CREBBP: variants seen among roughly 807,000 people sequenced by gnomAD.
The protein encoded by CREBBP is CREB-binding protein.
In CREBBP, 19 loss-of-function variants were observed where a neutral mutation model predicts 265.0. That is an observed-to-expected ratio of 0.07 (90% confidence interval 0.05 to 0.11). The LOEUF is 0.11. Ranked by LOEUF, CREBBP falls within the 10% of genes least tolerant of loss-of-function variation. CREBBP has a pLI of 1.00. For synonymous variants in CREBBP, 1,457 were observed against 1,223.7 expected, an observed-to-expected ratio of 1.19 and a Z score of -3.98; for missense variants, 2,525 against 3,219.0, an observed-to-expected ratio of 0.78 and a Z score of 5.22.
intron 2 of CREBBP, among the ~76,000 whole-genome samples, chr16:3,812,675 T>A (rs2053961673): frequency 6.6e-6 from 1 of 152,064 alleles, no homozygotes; most frequent in Non-Finnish European, 1.5e-5. Context: ...CACAGGTCAA[T>A]TCAGGAATTG....
intron 2 of CREBBP, among the ~76,000 whole-genome samples, chr16:3,822,669 A>G (rs538021641): frequency 1.9e-3 from 285 of 152,354 alleles, no homozygotes; most frequent in African/African-American, 6.7e-3. Flanking sequence ...AGCTTATTAA[A>G]TGCCATAAAT....
At chr16:3,878,539 T>G (rs2055450414) in intron 1 of CREBBP, among the ~76,000 whole-genome samples, 1 of 152,244 alleles carries the variant, frequency 6.6e-6, no homozygotes, top group Non-Finnish European at 1.5e-5. Flanking sequence ...ATTCCAGGAA[T>G]TGTATTCAAA....
chr16:3,734,308 G>C (rs2051994863), intron 28 of CREBBP, among the ~76,000 whole-genome samples: 2 of 152,158 alleles, frequency 1.3e-5, no homozygotes, highest in African/African-American at 2.4e-5. Context: ...ACGAAGGCAT[G>C]TCCCTGCCCA....
At chr16:3,751,073 TAAAG>T (rs1379672228) in intron 20 of CREBBP, among the ~76,000 whole-genome samples, 2 of 151,634 alleles carry the variant, frequency 1.3e-5, no homozygotes, top group Non-Finnish European at 2.9e-5. Context: ...AAAATTAAAA[TAAAG>T]AAAATTTCTA....
chr16:3,819,198 G>A (rs1017116374), intron 2 of CREBBP, among the ~76,000 whole-genome samples: 9 of 152,342 alleles, frequency 5.9e-5, no homozygotes, highest in Admixed American at 3.9e-4. Context: ...ATGCCATTGC[G>A]GTCAACTATG....
intron 2 of CREBBP, among the ~76,000 whole-genome samples, chr16:3,849,419 GTGTGTGTGTGT>G (rs2054743009): frequency 9.1e-4 from 7 of 7,732 alleles, no homozygotes; most frequent in Admixed American, 2.3e-3. Flanking sequence ...GTGTGTGTGT[GTGTGTGTGTGT>G]GTGTGTGTGT....
At chr16:3,821,643 A>G (rs1002617474) in intron 2 of CREBBP, among the ~76,000 whole-genome samples, 2 of 152,216 alleles carry the variant, frequency 1.3e-5, no homozygotes, top group African/African-American at 4.8e-5. Flanking sequence ...TGCCCCTTTC[A>G]TGCCAATCCA....
intron 24 of CREBBP, among the ~76,000 whole-genome samples, 160 bp from the exon 25 acceptor site, chr16:3,739,884 C>A (rs1394377138): frequency 6.6e-6 from 1 of 152,218 alleles, no homozygotes; most frequent in Non-Finnish European, 1.5e-5. Context: ...GCCAGTCAGC[C>A]CCGGAGCAGG....
intron 5 of CREBBP, among the ~76,000 whole-genome samples, chr16:3,791,711 G>A (rs2053511421): frequency 6.6e-6 from 1 of 152,200 alleles, no homozygotes; most frequent in Non-Finnish European, 1.5e-5. Context: ...TGACTCTGCT[G>A]TTCCATGCTG....
intron 3 of CREBBP, among the ~76,000 whole-genome samples, chr16:3,794,481 T>C (rs1427307801): frequency 6.6e-6 from 1 of 152,276 alleles, no homozygotes; most frequent in East Asian, 1.9e-4. Context: ...TGCGTGCAGC[T>C]TGATTTCACA....
At chr16:3,736,981 A>C (rs764773521) in intron 26 of CREBBP, 166 bp from the exon 27 acceptor site, 65 of 801,854 alleles carry the variant, frequency 8.1e-5, no homozygotes, top group East Asian at 7.7e-4. Context: ...CTCGAACTTT[A>C]TCCTGAGCAA....
chr16:3,735,826 C>A (rs74005852), intron 28 of CREBBP, among the ~76,000 whole-genome samples: 1 of 152,132 alleles, frequency 6.6e-6, no homozygotes, highest in Non-Finnish European at 1.5e-5. Flanking sequence ...CTAAGTGGAC[C>A]CCCAGCTCCC....
chr16:3,878,740 T>C (rs1448115970), intron 1 of CREBBP, among the ~76,000 whole-genome samples: 1 of 152,232 alleles, frequency 6.6e-6, no homozygotes, highest in Non-Finnish European at 1.5e-5. Flanking sequence ...GCAAGACTAC[T>C]GGAGAAATGC....
intron 5 of CREBBP, among the ~76,000 whole-genome samples, chr16:3,787,110 T>A (rs2053406042): frequency 6.7e-6 from 1 of 149,704 alleles, no homozygotes. Flanking sequence ...CCTGCAGCCA[T>A]CTCTACAAAG....
rs867563115 is a variant in CREBBP, at chr16:3,728,140, G to C, written c.6907C>G (p.Gln2303Glu). 1 of 1,614,178 alleles carries C rather than the reference G, an allele frequency of 6.2e-7. No homozygotes were observed. The highest frequency in any genetic ancestry group is 1.3e-5 in the African/African-American group (1 of 75,050). Residue 2303 changes from glutamine (Q) to glutamate (E), a missense_variant, in exon 31 of 31, where the codon CAG (glutamine) becomes GAG (glutamate). Physicochemically the swap from Gln to Glu is conservative, Grantham distance 29. This residue lies in a region of CREBBP where 473 missense variants were observed against 459.3 expected (regional missense o/e 1.03). Transcript: ENST00000262367. The surrounding 1 kb of genome is among the most constrained non-coding windows in gnomAD (Gnocchi z 8.7). ...QRILQQQQMK[Q>E]QIGSPGQPNP... ...GGCTGGCCTGGGGACCCAATCTGCT[G>C]CTTCATCTGCTGTTGCTGCAGAATC...
intron 2 of CREBBP, among the ~76,000 whole-genome samples, chr16:3,816,897 G>C (rs965803674): frequency 6.6e-6 from 1 of 152,146 alleles, no homozygotes; most frequent in Non-Finnish European, 1.5e-5. Flanking sequence ...CCAGGAAGGA[G>C]GTGGTCAAAG....
At chr16:3,759,642 G>C (rs2052667040) in intron 16 of CREBBP, among the ~76,000 whole-genome samples, 1 of 150,420 alleles carries the variant, frequency 6.6e-6, no homozygotes, top group Admixed American at 6.6e-5. Context: ...TCTGAGTAAA[G>C]TTTTTTATCC....
intron 1 of CREBBP, among the ~76,000 whole-genome samples, chr16:3,870,683 T>G (rs1365439284): frequency 1.3e-5 from 2 of 152,172 alleles, no homozygotes; most frequent in Non-Finnish European, 2.9e-5. Flanking sequence ...AAGCTTCCCA[T>G]GTATTCAGTG....
chr16:3,761,687 A>G, intron 16 of CREBBP: 1 of 464,798 alleles, frequency 2.2e-6, no homozygotes, highest in Admixed American at 2.2e-5. Context: ...AGCACTCCCC[A>G]CGCACACGGT....
Sources: allele counts gnomAD v4.1 joint callset (sites outside exome capture counted in the v4.1 genomes callset), GRCh38; gene constraint gnomAD v4.1.1; regional missense constraint gnomAD v4.1.1; non-coding constraint Gnocchi (gnomAD v3.1); transcripts MANE v1.5; gene names NCBI Gene and HGNC (gene_info 2026-07-23, HGNC 2026-07-21).